Variants in MYCBP2 observed in about 807,000 individuals in gnomAD.
MYCBP2 encodes the protein MYC binding protein 2.
A neutral mutation model predicts 525.3 loss-of-function variants in MYCBP2; 120 were observed. The observed-to-expected ratio is 0.23, with a 90% CI of 0.20 to 0.27. The LOEUF (loss-of-function observed/expected upper bound fraction) is 0.27. Among genes scored for constraint, MYCBP2 ranks in the 10% least tolerant of loss-of-function variants. The pLI, the probability that MYCBP2 is intolerant of heterozygous loss-of-function variation, is 1.00. For synonymous variants in MYCBP2, 1,894 were observed against 1,955.8 expected, an observed-to-expected ratio of 0.97 and a Z score of 0.83; for missense variants, 4,149 against 5,657.1, an observed-to-expected ratio of 0.73 and a Z score of 8.55.
chr13:77,193,448 C>A (rs1229293250), intron 27 of MYCBP2, among the ~76,000 whole-genome samples: 1 of 152,062 alleles, frequency 6.6e-6, no homozygotes, highest in African/African-American at 2.4e-5. Context: ...ACAAGGTTTT[C>A]CTAACATAGT....
intron 55 of MYCBP2, among the ~76,000 whole-genome samples, chr13:77,102,233 G>A (rs1359934350): frequency 6.6e-6 from 1 of 151,504 alleles, no homozygotes; most frequent in East Asian, 1.9e-4. Flanking sequence ...CAGGTTACAT[G>A]ATACTATATG....
intron 14 of MYCBP2, among the ~76,000 whole-genome samples, chr13:77,256,845 C>T (rs763335931): frequency 8.6e-5 from 13 of 151,998 alleles, no homozygotes; most frequent in Non-Finnish European, 1.6e-4. Flanking sequence ...AAAACTGAAA[C>T]TAGAACTCAA....
chr13:77,297,963 G>C (rs2078373269), intron 1 of MYCBP2, among the ~76,000 whole-genome samples: 1 of 152,038 alleles, frequency 6.6e-6, no homozygotes, highest in African/African-American at 2.4e-5. Context: ...CTTCACATAG[G>C]AACCTAACTC....
intron 60 of MYCBP2, 91 bp downstream of exon 60, chr13:77,090,015 A>G: frequency 8.6e-7 from 1 of 1,157,692 alleles, no homozygotes. Flanking sequence ...TTCCTTCAAA[A>G]ATTAAATTTT....
Position 77,257,834 on chromosome 13 carries a change from A to C in MYCBP2, c.2018-5T>G, listed in dbSNP as rs1207145661. On this transcript the variant is annotated splice_region_variant and splice_polypyrimidine_tract_variant and intron_variant, in intron 13 of 82. Transcript: ENST00000544440. ...CCTTCAAATCAGTTACCAAACCTATAGGAAAGAAACAAATTTAGTAAAAAC... is the reference window on the plus strand; with the variant it reads ...CCTTCAAATCAGTTACCAAACCTATCGGAAAGAAACAAATTTAGTAAAAAC... 1.3e-6 allele frequency: 2 copies of C among 1,597,986 alleles called. No individual in the cohort carries two copies. The highest frequency in any genetic ancestry group is 1.8e-5 in the Admixed American group (1 of 55,018).
At chr13:77,315,661 GA>G (rs2080838925) in intron 1 of MYCBP2, among the ~76,000 whole-genome samples, 1 of 152,166 alleles carries the variant, frequency 6.6e-6, no homozygotes, top group Non-Finnish European at 1.5e-5. Context: ...TTCAGAGTCT[GA>G]GGCAGGTGGA....
intron 55 of MYCBP2, among the ~76,000 whole-genome samples, chr13:77,105,837 T>TGA (rs1327524843): frequency 6.6e-6 from 1 of 152,156 alleles, no homozygotes; most frequent in Non-Finnish European, 1.5e-5. Context: ...ATTGTTTGCT[T>TGA]ACTATAGTTT....
chr13:77,230,112 TAGTCA>T (rs1023185403), intron 18 of MYCBP2, among the ~76,000 whole-genome samples: 6 of 152,220 alleles, frequency 3.9e-5, no homozygotes, highest in Non-Finnish European at 7.3e-5. Context: ...GCTTTGCCTT[TAGTCA>T]ATATCTGCCT....
At chr13:77,201,239 A>G (rs1427347624) in intron 26 of MYCBP2, among the ~76,000 whole-genome samples, 1 of 150,094 alleles carries the variant, frequency 6.7e-6, no homozygotes, top group African/African-American at 2.5e-5. Context: ...CAGGGGTTGC[A>G]ATCCTAGTCT....
chr13:77,179,023 T>C (rs1233822894), intron 34 of MYCBP2, among the ~76,000 whole-genome samples: 2 of 152,206 alleles, frequency 1.3e-5, no homozygotes, highest in Non-Finnish European at 2.9e-5. Flanking sequence ...ACTTAGAAAG[T>C]GCTTCCCAGG....
intron 74 of MYCBP2, 103 bp downstream of exon 74, chr13:77,062,493 T>G: frequency 1.1e-6 from 1 of 940,608 alleles, no homozygotes; most frequent in East Asian, 2.5e-5. Context: ...ATCCACTAAC[T>G]GTTTATGTTG....
intron 54 of MYCBP2, 108 bp from the exon 55 acceptor site, chr13:77,121,603 TA>T: frequency 9.2e-7 from 1 of 1,088,670 alleles, no homozygotes. Flanking sequence ...GATTTTAAAA[TA>T]AGCTCACATC....
chr13:77,154,480 T>C (rs556975471), intron 46 of MYCBP2, among the ~76,000 whole-genome samples: 11 of 149,854 alleles, frequency 7.3e-5, no homozygotes, highest in African/African-American at 2.2e-4. Flanking sequence ...GAAAAAAAGA[T>C]GAAGTCTGAC....
At chr13:77,215,336 T>C (rs2064666937) in intron 21 of MYCBP2, among the ~76,000 whole-genome samples, 1 of 152,070 alleles carries the variant, frequency 6.6e-6, no homozygotes, top group African/African-American at 2.4e-5. Context: ...ACCTTCAGAC[T>C]TGGGGTGGGG....
At chr13:77,224,827 C>G (rs1345578500) in intron 19 of MYCBP2, among the ~76,000 whole-genome samples, 1 of 152,038 alleles carries the variant, frequency 6.6e-6, no homozygotes, top group Non-Finnish European at 1.5e-5. Context: ...GTAAAATCTT[C>G]TTAATAATGA....
intron 26 of MYCBP2, among the ~76,000 whole-genome samples, chr13:77,196,272 G>A (rs1232763257): frequency 6.6e-6 from 1 of 152,226 alleles, no homozygotes; most frequent in Non-Finnish European, 1.5e-5. Flanking sequence ...AAAGGTCAGA[G>A]AGGTGATGAC....
At chr13:77,076,185 C>T (rs1175450346) in intron 68 of MYCBP2, 1 of 152,114 alleles carries the variant, frequency 6.6e-6, no homozygotes, top group African/African-American at 2.4e-5. Context: ...TAAAAATTTA[C>T]TAAACATGTG....
At chr13:77,063,768 T>G (rs1056100926) in intron 73 of MYCBP2, among the ~76,000 whole-genome samples, 3 of 151,114 alleles carry the variant, frequency 2.0e-5, no homozygotes, top group Non-Finnish European at 2.9e-5. Flanking sequence ...GACAGAAAAA[T>G]AGAAAAAGAA....
intron 18 of MYCBP2, among the ~76,000 whole-genome samples, chr13:77,230,193 T>C (rs1442826697): frequency 1.3e-5 from 2 of 152,174 alleles, no homozygotes; most frequent in Non-Finnish European, 2.9e-5. Flanking sequence ...CAACTTTCCA[T>C]CTTAGAACTT....
Sources: allele counts gnomAD v4.1 joint callset (sites outside exome capture counted in the v4.1 genomes callset), GRCh38; gene constraint gnomAD v4.1.1; transcripts MANE v1.5; gene names NCBI Gene and HGNC (gene_info 2026-07-23, HGNC 2026-07-21).